The following PDE1C variants were observed in gnomAD, a reference collection of about 807,000 sequenced individuals.
PDE1C encodes dual specificity calcium/calmodulin-dependent 3',5'-cyclic nucleotide phosphodiesterase 1C.
PDE1C carries 62 observed loss-of-function variants against 93.1 expected under a neutral mutation model. The ratio of observed to expected loss-of-function variants is 0.67; its 90% CI spans 0.54 to 0.82. PDE1C has a LOEUF of 0.82. Ranked by LOEUF, PDE1C falls within the 40% of genes least tolerant of loss-of-function variation. The pLI, the probability that PDE1C is intolerant of heterozygous loss-of-function variation, is 0.00. For missense variants in PDE1C, 742 were observed against 884.6 expected (o/e 0.84, Z 2.04); for synonymous variants, 325 against 310.1 (o/e 1.05, Z -0.50).
chr7:31,620,942 A>G, the PDE1C span, among the ~76,000 whole-genome samples: 1 of 152,008 alleles, frequency 6.6e-6, no homozygotes, highest in African/African-American at 2.4e-5. Context: ...GCCAAGGCTC[A>G]AGAACTATGT....
At chr7:32,384,580 G>A (rs947365945) in intron 1 of PDE1C, among the ~76,000 whole-genome samples, 1 of 152,128 alleles carries the variant, frequency 6.6e-6, no homozygotes, top group Non-Finnish European at 1.5e-5. Context: ...AGAACTGAGA[G>A]CAGTTCATTG....
At chr7:31,823,421 G>A (rs751641331) in intron 13 of PDE1C, among the ~76,000 whole-genome samples, 173 bp from the exon 14 acceptor site, 4 of 152,082 alleles carry the variant, frequency 2.6e-5, no homozygotes, top group African/African-American at 2.4e-5. Context: ...GGGAAATTCT[G>A]AATTTTCAGC....
rs5883326 is a variant in PDE1C at position 32,126,201 on chromosome 7, C to CTAGATAGATAGATAGA, written c.308+43568_308+43583dup. On this transcript the variant is annotated intron_variant, in intron 3 of 18. Coordinates refer to the PDE1C transcript ENST00000396193. The stretch of plus-strand genomic sequence containing the variant: ...AATCACAGAAACCCAATCCACTATT[C>CTAGATAGATAGATAGA]TAGATAGATAGATAGATAGATAGAT... Among the ~76,000 whole-genome samples the CTAGATAGATAGATAGA allele has an allele frequency of 4.1e-3, 605 of 146,990 alleles. 2 individuals carry two copies. The highest frequency in any genetic ancestry group is 4.6e-3 in the East Asian group (23 of 4,986).
chr7:31,753,592 T>A, intron 17 of PDE1C, 39 bp from the exon 18 acceptor site: 2 of 1,586,118 alleles, frequency 1.3e-6, no homozygotes, highest in Non-Finnish European at 1.7e-6. Flanking sequence ...ACGGTTAGCC[T>A]CACCCACGAC....
At chr7:31,870,964 A>C (rs1795874323) in intron 6 of PDE1C, among the ~76,000 whole-genome samples, 1 of 151,286 alleles carries the variant, frequency 6.6e-6, no homozygotes, top group Admixed American at 6.6e-5. Context: ...GTATACTTTT[A>C]TGCTAATAGT....
chr7:32,178,762 G>A (rs969318912), intron 2 of PDE1C, among the ~76,000 whole-genome samples: 9 of 151,894 alleles, frequency 5.9e-5, no homozygotes, highest in Non-Finnish European at 1.2e-4. Flanking sequence ...CTCTGTCCCT[G>A]CCATAAATCC....
intron 2 of PDE1C, among the ~76,000 whole-genome samples, chr7:32,036,526 G>A (rs1791111780): frequency 6.6e-6 from 1 of 151,966 alleles, no homozygotes; most frequent in Admixed American, 6.6e-5. Context: ...AAGTTAACAA[G>A]GACAGAAGAT....
At chr7:31,807,158 T>C (rs997131653) in intron 16 of PDE1C, among the ~76,000 whole-genome samples, 6 of 151,928 alleles carry the variant, frequency 3.9e-5, no homozygotes, top group African/African-American at 1.4e-4. Context: ...TCAATGAATA[T>C]AAAATGCAAA....
chr7:32,206,344 G>A (rs917017253), intron 2 of PDE1C, among the ~76,000 whole-genome samples: 60 of 152,142 alleles, frequency 3.9e-4, no homozygotes, highest in African/African-American at 1.3e-3. Context: ...TAGGTCAGGT[G>A]CAGTCAACCA....
At chr7:32,250,496 G>T (rs1267680079) in intron 1 of PDE1C, among the ~76,000 whole-genome samples, 1 of 152,156 alleles carries the variant, frequency 6.6e-6, no homozygotes, top group Admixed American at 6.5e-5. Context: ...TTCTGATCCA[G>T]GTGGTCCACA....
In PDE1C at chr7:32,208,799, C is replaced by T. The variant is rs555194469; in HGVS notation, c.136+690G>A. 3.3e-5 allele frequency among the ~76,000 whole-genome samples: 5 copies of T among 152,252 alleles called. No individual in the cohort carries two copies. In the South Asian group the frequency reaches 1.0e-3, roughly 32 times the overall value. ...TTGCTGATCACACTGGTACAGAAAC[C>T]ATTGAGAGGCTTTAGACTCCTACTC... On this transcript the variant is annotated intron_variant, in intron 2 of 18. Coordinates refer to the PDE1C transcript ENST00000396193.
chr7:32,295,954 C>T (rs1562658467), intron 1 of PDE1C, among the ~76,000 whole-genome samples: 2 of 149,522 alleles, frequency 1.3e-5, no homozygotes, highest in Non-Finnish European at 3.0e-5. Context: ...AGTTTTTTAT[C>T]ACTGTTTATC....
At chr7:31,956,489 G>T (rs1808166033) in intron 2 of PDE1C, among the ~76,000 whole-genome samples, 1 of 142,314 alleles carries the variant, frequency 7.0e-6, no homozygotes, top group South Asian at 2.3e-4. Flanking sequence ...TGTTCGTTTT[G>T]TTTTTTTTTT....
chr7:32,285,822 T>G (rs1585079429), intron 1 of PDE1C, among the ~76,000 whole-genome samples: 31 of 95,260 alleles, frequency 3.3e-4, no homozygotes, highest in Non-Finnish European at 4.0e-4. Context: ...GGAGAGAGAA[T>G]AAGGGGAGGG....
At chr7:31,877,420 T>C (rs2128873096) in intron 5 of PDE1C, among the ~76,000 whole-genome samples, 1 of 152,270 alleles carries the variant, frequency 6.6e-6, no homozygotes, top group African/African-American at 2.4e-5. Flanking sequence ...AACAATGGGC[T>C]ATATAGATGG....
At chr7:31,888,084 T>C (rs1054950575) in intron 2 of PDE1C, among the ~76,000 whole-genome samples, 5 of 151,270 alleles carry the variant, frequency 3.3e-5, no homozygotes, top group Admixed American at 3.3e-4. Context: ...CTGTCTCTAC[T>C]AAAAATACAA....
chr7:31,948,106 G>A (rs912813140), intron 2 of PDE1C, among the ~76,000 whole-genome samples: 3 of 152,184 alleles, frequency 2.0e-5, no homozygotes, highest in East Asian at 1.9e-4. Context: ...GCTAGTCCTC[G>A]ATCACAGCTT....
chr7:32,139,555 C>G (rs1800404956), intron 3 of PDE1C, among the ~76,000 whole-genome samples: 1 of 152,042 alleles, frequency 6.6e-6, no homozygotes, highest in East Asian at 1.9e-4. Context: ...CTCAGATGCT[C>G]CTCCCTCTTA....
Position 31,873,517 on chromosome 7 carries a change from T to A in PDE1C, c.493-109A>T, listed in dbSNP as rs1029792450. ...GCAGCCCTCACTGGAGATTTCACAG[T>A]GTGACACTCAAACAGACTTTCCACT... is the stretch of plus-strand genomic sequence containing the variant. On this transcript the variant is annotated intron_variant, in intron 5 of 17. Coordinates refer to ENST00000396191, the MANE Select transcript of PDE1C (RefSeq NM_001191057.4). 4.3e-6 allele frequency: 3 copies of A among 690,376 alleles called. No homozygotes were observed. In the Admixed American group the frequency reaches 7.4e-5, roughly 17 times the overall value. 42.8% of individuals were successfully genotyped at this position (690,376 alleles called of 1,614,324 possible). A position where few individuals can be genotyped will look rare whatever the true frequency, so the allele number is the denominator to read the frequency against.
Sources: gnomAD v4.1 joint callset for allele counts (sites outside exome capture counted in the v4.1 genomes callset) on GRCh38, gnomAD v4.1.1 for gene constraint, MANE v1.5 for transcripts, NCBI Gene and HGNC (gene_info 2026-07-23, HGNC 2026-07-21) for gene names.